DLGAP1: variants seen among roughly 807,000 people sequenced by gnomAD.
The protein encoded by DLGAP1 is disks large-associated protein 1.
In DLGAP1, 11 loss-of-function variants were observed where a neutral mutation model predicts 90.8. The ratio of observed to expected loss-of-function variants is 0.12; its 90% CI spans 0.08 to 0.20. The LOEUF is 0.20. Ranked by LOEUF, DLGAP1 falls within the 10% of genes least tolerant of loss-of-function variation. The pLI is 1.00. For synonymous variants in DLGAP1, 558 were observed against 540.7 expected, an observed-to-expected ratio of 1.03 and a Z score of -0.44; for missense variants, 1,050 against 1,333.8, an observed-to-expected ratio of 0.79 and a Z score of 3.31.
At chr18:4,132,219 T>G (rs2076327749) in intron 2 of DLGAP1, among the ~76,000 whole-genome samples, 1 of 152,162 alleles carries the variant, frequency 6.6e-6, no homozygotes, top group Non-Finnish European at 1.5e-5. Flanking sequence ...TTCACTGAAA[T>G]GATTCAACCA....
At chr18:3,518,566 A>G (rs1010473260) in intron 10 of DLGAP1, among the ~76,000 whole-genome samples, 1 of 151,732 alleles carries the variant, frequency 6.6e-6, no homozygotes, top group African/African-American at 2.4e-5. Flanking sequence ...GCAATAAAGC[A>G]ATGCCAATAA....
chr18:3,734,127 T>C (rs1465248903), intron 6 of DLGAP1, among the ~76,000 whole-genome samples: 1 of 152,220 alleles, frequency 6.6e-6, no homozygotes, highest in Non-Finnish European at 1.5e-5. Context: ...TTTTCTTACT[T>C]GTTCTGTTCC....
chr18:3,551,601 T>C (rs60669149), intron 9 of DLGAP1, among the ~76,000 whole-genome samples: 3 of 27,536 alleles, frequency 1.1e-4, no homozygotes, highest in Non-Finnish European at 2.9e-4. Flanking sequence ...TTCTTTTTCT[T>C]TTTCTTTCTT....
chr18:4,036,261 G>C (rs1320214381), intron 2 of DLGAP1, among the ~76,000 whole-genome samples: 2 of 152,164 alleles, frequency 1.3e-5, no homozygotes, highest in Non-Finnish European at 2.9e-5. Context: ...AACTCAAAGT[G>C]GGTGTGAAGA....
chr18:4,130,832 G>A (rs1183215697), intron 2 of DLGAP1, among the ~76,000 whole-genome samples: 2 of 152,128 alleles, frequency 1.3e-5, no homozygotes, highest in Non-Finnish European at 1.5e-5. Flanking sequence ...GACAGAGGAG[G>A]CAGGAAAACA....
chr18:4,272,342 T>A lies in DLGAP1; in HGVS notation c.-266-121055A>T, dbSNP rs918132708. Reference sequence around the variant, plus strand: ...TGTGAATTCAGTTTATTTTACCTTTTTTTGTTCTTTGGGTTAAAGCCAGGA... The same window carrying A: ...TGTGAATTCAGTTTATTTTACCTTTATTTGTTCTTTGGGTTAAAGCCAGGA... On this transcript the variant is annotated intron_variant, in intron 1 of 12. Coordinates refer to ENST00000315677, the MANE Select transcript of DLGAP1 (RefSeq NM_004746.4). Among the ~76,000 whole-genome samples, 53 of 152,278 alleles carry A rather than the reference T, an allele frequency of 3.5e-4. 1 individual carries two copies. Among genetic ancestry groups the A allele is most frequent in the African/African-American group, 1.3e-3 (52 of 41,568 alleles).
intron 2 of DLGAP1, among the ~76,000 whole-genome samples, chr18:4,041,721 T>C (rs1223981401): frequency 6.6e-6 from 1 of 152,218 alleles, no homozygotes; most frequent in African/African-American, 2.4e-5. Context: ...AGTTCCACTG[T>C]GGAGTTGGAT....
At chr18:3,977,606 C>T (rs1425611200) in intron 3 of DLGAP1, 4 of 215,928 alleles carry the variant, frequency 1.9e-5, no homozygotes, top group Non-Finnish European at 2.8e-5. Flanking sequence ...CTCTCTCTTC[C>T]TCTTGTGCTC....
rs1209043544 is a variant in DLGAP1 at position 3,729,257 on chromosome 18, C to T, written c.1469G>A (p.Arg490Gln). Residue 490 changes from arginine to glutamine, a missense_variant, in exon 7 of 13, where the codon CGG (arginine) becomes CAG (glutamine). This residue lies in a region of DLGAP1 where 565 missense variants were observed against 879.7 expected (regional missense o/e 0.64). Coordinates refer to ENST00000315677, the MANE Select transcript of DLGAP1 (RefSeq NM_004746.4). The surrounding 1 kb of genome is among the most constrained non-coding windows in gnomAD (Gnocchi z 6.2). The stretch of plus-strand genomic sequence containing the variant: ...AATGGCCCGCACATAGCTGTGGCTC[C>T]GCATGCGGAAGCAGCCGGGCATGGG... ...DLPMPGCFRMRSHSYVRAIEK... is the reference protein window; with the variant it reads ...DLPMPGCFRMQSHSYVRAIEK... 1 of 1,614,030 alleles carries T rather than the reference C, an allele frequency of 6.2e-7. No homozygotes were observed. The highest frequency in any genetic ancestry group is 8.5e-7 in the Non-Finnish European group (1 of 1,179,970).
intron 3 of DLGAP1, among the ~76,000 whole-genome samples, chr18:3,977,368 G>A (rs553927005): frequency 6.0e-5 from 9 of 150,946 alleles, no homozygotes; most frequent in Non-Finnish European, 8.8e-5. Context: ...CACTTTGCCC[G>A]GCCTTATTAT....
chr18:4,267,631 A>G (rs1457419286), intron 1 of DLGAP1, among the ~76,000 whole-genome samples: 1 of 152,176 alleles, frequency 6.6e-6, no homozygotes. Flanking sequence ...AACAACACAC[A>G]TTTATTATCT....
intron 1 of DLGAP1, among the ~76,000 whole-genome samples, chr18:4,412,006 G>A (rs915607275): frequency 3.9e-5 from 6 of 152,212 alleles, no homozygotes; most frequent in African/African-American, 1.4e-4. Flanking sequence ...TAGGGAGAAT[G>A]TCAGGGGAGT....
intron 3 of DLGAP1, among the ~76,000 whole-genome samples, chr18:3,903,459 TATGGACACCC>T (rs2071828944): frequency 6.6e-6 from 1 of 152,224 alleles, no homozygotes; most frequent in African/African-American, 2.4e-5. Context: ...AAGCATAATG[TATGGACACCC>T]ATGGATTTAC....
intron 8 of DLGAP1, among the ~76,000 whole-genome samples, chr18:3,575,981 T>C (rs1191940359): frequency 6.6e-6 from 1 of 152,204 alleles, no homozygotes; most frequent in Non-Finnish European, 1.5e-5. Context: ...ACATGCTGAT[T>C]GAAGGAAACA....
At chr18:3,733,781 T>C (rs1304274516) in intron 6 of DLGAP1, among the ~76,000 whole-genome samples, 2 of 152,202 alleles carry the variant, frequency 1.3e-5, no homozygotes, top group Non-Finnish European at 2.9e-5. Flanking sequence ...TACTTGAAAG[T>C]CAGTTTTTCT....
rs1208534033 is a variant in DLGAP1 at position 3,738,691 on chromosome 18, A to T, written c.1350+3644T>A. On this transcript the variant is annotated intron_variant, in intron 6 of 12. Coordinates refer to ENST00000315677, the MANE Select transcript of DLGAP1 (RefSeq NM_004746.4). ...AAAACCCTAGAAGAAAACCTAGGCA[A>T]TACCATTCAGGACATAGGCATGGGC... 1.7e-4 allele frequency among the ~76,000 whole-genome samples: 25 copies of T among 150,944 alleles called. No individual in the cohort carries two copies. The South Asian group carries it at 4.8e-3, about 29-fold the overall frequency.
intron 7 of DLGAP1, among the ~76,000 whole-genome samples, chr18:3,628,058 T>A (rs1352630286): frequency 6.6e-6 from 1 of 151,948 alleles, no homozygotes; most frequent in Non-Finnish European, 1.5e-5. Context: ...GTATTTTTAG[T>A]AGAGATGGGC....
intron 1 of DLGAP1, among the ~76,000 whole-genome samples, chr18:4,152,539 A>G (rs796475704): frequency 5.9e-4 from 90 of 152,328 alleles, no homozygotes; most frequent in African/African-American, 2.0e-3. Flanking sequence ...TTCCAAAAAG[A>G]ACACTGGACT....
rs151190595 is a variant in DLGAP1 at position 3,787,250 on chromosome 18, G to A, written c.1172+26809C>T. Among the ~76,000 whole-genome samples, 340 of 152,094 alleles carry A rather than the reference G, an allele frequency of 2.2e-3. 6 individuals are homozygous for A. The East Asian group carries it at 0.046, about 20-fold the overall frequency. On this transcript the variant is annotated intron_variant, in intron 5 of 12. Coordinates refer to ENST00000315677, the MANE Select transcript of DLGAP1 (RefSeq NM_004746.4). Reference sequence around the variant, plus strand: ...TGTAATCCCAGCACTTTGGGAGGCCGAGGCGGGCGGATCACAAGATCAGGA... The same window carrying A: ...TGTAATCCCAGCACTTTGGGAGGCCAAGGCGGGCGGATCACAAGATCAGGA...
Sources: gnomAD v4.1 joint callset for allele counts (sites outside exome capture counted in the v4.1 genomes callset) on GRCh38, gnomAD v4.1.1 for gene constraint, gnomAD v4.1.1 regional missense constraint, Gnocchi (gnomAD v3.1) non-coding constraint, MANE v1.5 for transcripts, NCBI Gene and HGNC (gene_info 2026-07-23, HGNC 2026-07-21) for gene names.